The following CHD7 variants were observed in gnomAD, a reference collection of about 807,000 sequenced individuals.
CHD7 encodes the protein ATP-dependent chromatin remodeler CHD7.
In CHD7, 24 loss-of-function variants were observed where a neutral mutation model predicts 307.3. The observed-to-expected ratio is 0.08, with a 90% CI of 0.06 to 0.11. CHD7 has a LOEUF of 0.11. Ranked by LOEUF, CHD7 falls within the 10% of genes least tolerant of loss-of-function variation. CHD7 has a pLI of 1.00. For synonymous variants in CHD7, 1,363 were observed against 1,349.9 expected, an observed-to-expected ratio of 1.01 and a Z score of -0.21; for missense variants, 3,106 against 3,727.1, an observed-to-expected ratio of 0.83 and a Z score of 4.34.
At chr8:60,862,918 C>G (rs1008385576) in intron 37 of CHD7, 58 of 407,564 alleles carry the variant, frequency 1.4e-4, no homozygotes, top group African/African-American at 1.1e-3. Flanking sequence ...GGGGGATTGC[C>G]CCAGCTAAGC....
At chr8:60,688,098 A>C (rs1313021713) in intron 1 of CHD7, among the ~76,000 whole-genome samples, 3 of 152,332 alleles carry the variant, frequency 2.0e-5, no homozygotes, top group East Asian at 3.9e-4. Flanking sequence ...TTCGTACCTA[A>C]AACGACCAGG....
intron 12 of CHD7, 117 bp downstream of exon 12, chr8:60,822,863 C>A: frequency 1.3e-6 from 1 of 775,542 alleles, no homozygotes; most frequent in Non-Finnish European, 2.0e-6. Context: ...GAGAAATTTG[C>A]TTTAGATATC....
intron 21 of CHD7, among the ~76,000 whole-genome samples, chr8:60,844,613 G>A (rs112870617): frequency 2.6e-5 from 4 of 152,292 alleles, no homozygotes; most frequent in African/African-American, 9.6e-5. Flanking sequence ...TACCTGGAAA[G>A]GCCAGGGTTA....
intron 2 of CHD7, among the ~76,000 whole-genome samples, chr8:60,767,807 A>G (rs1157746092): frequency 6.6e-6 from 1 of 152,168 alleles, no homozygotes; most frequent in Non-Finnish European, 1.5e-5. Context: ...AGGACTTCAG[A>G]GGTTCACAAA....
chr8:60,781,483 G>A, intron 3 of CHD7, 53 bp downstream of exon 3: 3 of 1,476,650 alleles, frequency 2.0e-6, no homozygotes, highest in Non-Finnish European at 2.7e-6. Context: ...ACAGAAATTA[G>A]CGCCAAATAG....
chr8:60,865,830 A>T lies in CHD7; in HGVS notation c.8891A>T (p.Lys2964Met), dbSNP rs1263237815. ...EGSDAEESLD[K>M]TAESSLLEDE... Reference sequence around the variant, plus strand: ...AGCGATGCCGAGGAGAGCCTGGATAAGACTGCAGAGTCCTCCCTCTTAGAA... The same window carrying T: ...AGCGATGCCGAGGAGAGCCTGGATATGACTGCAGAGTCCTCCCTCTTAGAA... Residue 2964 changes from lysine (K) to methionine (M), a missense_variant, in exon 38 of 38, where the codon AAG becomes ATG. Coordinates refer to ENST00000423902, the MANE Select transcript of CHD7 (RefSeq NM_017780.4). The surrounding 1 kb of genome is among the most constrained non-coding windows in gnomAD (Gnocchi z 4.3). 6.2e-7 allele frequency: 1 copy of T among 1,613,818 alleles called. No homozygotes were observed. The highest frequency in any genetic ancestry group is 1.7e-5 in the Admixed American group (1 of 59,994).
chr8:60,788,472 A>G (rs936095062), intron 3 of CHD7, among the ~76,000 whole-genome samples: 1 of 152,216 alleles, frequency 6.6e-6, no homozygotes, highest in African/African-American at 2.4e-5. Flanking sequence ...TAAAACATTT[A>G]TTAATAATTC....
At chr8:60,702,858 G>A (rs1806832175) in intron 1 of CHD7, among the ~76,000 whole-genome samples, 1 of 152,230 alleles carries the variant, frequency 6.6e-6, no homozygotes, top group Admixed American at 6.5e-5. Context: ...GCTGGTGGCT[G>A]ATAGTTAGCT....
intron 1 of CHD7, chr8:60,679,452 G>A (rs1805458096): frequency 1.6e-5 from 1 of 62,364 alleles, no homozygotes; most frequent in Non-Finnish European, 3.6e-5. Context: ...GGGGGGGTAC[G>A]GGGGACAGGA....
At position 60,800,516 on chromosome 8, in the gene CHD7, A is replaced by G; in HGVS notation, c.2367A>G (p.Ser789=). The G allele has an allele frequency of 6.2e-7, 1 of 1,613,558 alleles. No homozygotes were observed. Among genetic ancestry groups the G allele is most frequent in the South Asian group, 1.1e-5 (1 of 91,026 alleles). ...GRDSPSNTSQ[S]EQQESVDAEG... Reference sequence around the variant, plus strand: ...ATTCCCCCTCCAACACCTCCCAGTCAGAACAGCAGGTTAGTACCAGATCTG... The same window carrying G: ...ATTCCCCCTCCAACACCTCCCAGTCGGAACAGCAGGTTAGTACCAGATCTG... Residue 789 remains serine (S), a synonymous_variant, in exon 5 of 38, where the codon TCA becomes TCG. Coordinates refer to ENST00000423902, the MANE Select transcript of CHD7 (RefSeq NM_017780.4).
chr8:60,855,818 TTTC>T (rs1210490806), intron 32 of CHD7, among the ~76,000 whole-genome samples, 154 bp from the exon 33 acceptor site: 1 of 152,250 alleles, frequency 6.6e-6, no homozygotes, highest in African/African-American at 2.4e-5. Flanking sequence ...GTTTATTTAC[TTTC>T]TTGTTTGATT....
rs559748498 is a variant in CHD7, at chr8:60,849,132, C to G, written c.5382C>G (p.Leu1794=). Residue 1794 remains leucine, a synonymous_variant, in exon 25 of 38, where the codon CTC becomes CTG. Transcript: ENST00000423902. ...DWWDKEADKS[L]LIGVFKHGYE... is the part of the protein sequence containing the mutation. ...GGGATAAGGAAGCAGACAAATCCCT[C>G]TTAATTGGAGTGTTCAAACATGGTA... 2 of 1,612,558 alleles carry G rather than the reference C, an allele frequency of 1.2e-6. No homozygotes were observed. Among genetic ancestry groups the G allele is most frequent in the Non-Finnish European group, 1.7e-6 (2 of 1,178,794 alleles).
intron 2 of CHD7, among the ~76,000 whole-genome samples, chr8:60,756,978 G>T (rs1200799155): frequency 2.0e-5 from 3 of 152,174 alleles, no homozygotes; most frequent in Non-Finnish European, 4.4e-5. Context: ...CTTATTGCTG[G>T]AGAGAAGAGC....
chr8:60,754,877 C>T (rs751879095), intron 2 of CHD7, among the ~76,000 whole-genome samples: 2 of 152,178 alleles, frequency 1.3e-5, no homozygotes, highest in Non-Finnish European at 2.9e-5. Context: ...TGTAGTTCTA[C>T]ATAGAGAAAG....
chr8:60,744,970 G>A (rs887416802), intron 2 of CHD7, among the ~76,000 whole-genome samples: 1 of 150,996 alleles, frequency 6.6e-6, no homozygotes, highest in Non-Finnish European at 1.5e-5. Context: ...AGACTCCTGG[G>A]ACCACAGGAC....
chr8:60,684,065 G>C (rs1350490917), intron 1 of CHD7, among the ~76,000 whole-genome samples: 1 of 152,150 alleles, frequency 6.6e-6, no homozygotes, highest in Non-Finnish European at 1.5e-5. Context: ...CTGCAAACAT[G>C]ATTGTTTTTT....
intron 1 of CHD7, among the ~76,000 whole-genome samples, chr8:60,682,125 A>G (rs1805661229): frequency 1.3e-5 from 2 of 152,226 alleles, no homozygotes; most frequent in African/African-American, 2.4e-5. Flanking sequence ...GAAAATATGG[A>G]AGTCAAATTT....
chr8:60,775,931 G>GT (rs1380913025), intron 2 of CHD7, among the ~76,000 whole-genome samples: 7 of 142,618 alleles, frequency 4.9e-5, no homozygotes, highest in African/African-American at 2.1e-4. Context: ...CTAATTTTTT[G>GT]TATTTTTTAG....
chr8:60,695,360 A>T lies in CHD7; in HGVS notation c.-175+16278A>T, dbSNP rs139835993. Among the ~76,000 whole-genome samples, 353 of 152,360 alleles carry T rather than the reference A, an allele frequency of 2.3e-3. 4 individuals are homozygous for T. The highest frequency in any genetic ancestry group is 8.1e-3 in the African/African-American group (337 of 41,586). ...GAACATATAATTTGACATTGTTTTT[A>T]TAAATATCCTTATAACATTGGGTAC... On this transcript the variant is annotated intron_variant, in intron 1 of 37. Coordinates refer to ENST00000423902, the MANE Select transcript of CHD7 (RefSeq NM_017780.4).
Sources: gnomAD v4.1 joint callset for allele counts (sites outside exome capture counted in the v4.1 genomes callset) on GRCh38, gnomAD v4.1.1 for gene constraint, Gnocchi (gnomAD v3.1) non-coding constraint, MANE v1.5 for transcripts, NCBI Gene and HGNC (gene_info 2026-07-23, HGNC 2026-07-21) for gene names.